The following BATF2 variants were observed in gnomAD, a reference collection of about 807,000 sequenced individuals.
BATF2 encodes the protein basic leucine zipper ATF-like transcription factor 2, also known as basic leucine zipper transcriptional factor ATF-like 2.
A neutral mutation model predicts 7.3 loss-of-function variants in BATF2; 4 were observed. The observed-to-expected ratio is 0.55, with a 90% CI of 0.27 to 1.26. BATF2 has a LOEUF of 1.26. BATF2 is among the 50% of genes most tolerant of loss of function. The pLI is 0.11. For missense variants in BATF2, 295 were observed against 340.5 expected (o/e 0.87, Z 1.05); for synonymous variants, 152 against 153.9 (o/e 0.99, Z 0.09).
chr11:64,994,606 C>T lies in BATF2; in HGVS notation c.40-57G>A. ...CCCAGCCAGGCCTTGTGCCCTCCGT[C>T]CTGGCCCGCCATTTGTAAAGCCAAG... On this transcript the variant is annotated intron_variant, in intron 1 of 2. Coordinates refer to ENST00000301887, the MANE Select transcript of BATF2 (RefSeq NM_138456.4). The T allele has an allele frequency of 8.8e-6, 13 of 1,483,626 alleles. No homozygotes were observed. In the South Asian group the frequency reaches 1.4e-4, roughly 16 times the overall value. The allele number at this position is 1,483,626 out of a possible 1,614,324, so 91.9% of individuals were successfully genotyped here. A position where few individuals can be genotyped will look rare whatever the true frequency, so the allele number is the denominator to read the frequency against.
chr11:64,991,001 A>T (rs903517054), intron 2 of BATF2, among the ~76,000 whole-genome samples: 1 of 151,916 alleles, frequency 6.6e-6, no homozygotes, highest in African/African-American at 2.4e-5. Context: ...CATGTTAGCC[A>T]GGATGGTCTC....
Position 64,989,601 on chromosome 11 carries a change from C to A in BATF2, c.353G>T (p.Arg118Leu). 1 of 1,604,684 alleles carries A rather than the reference C, an allele frequency of 6.2e-7. No homozygotes were observed. The highest frequency in any genetic ancestry group is 8.5e-7 in the Non-Finnish European group (1 of 1,176,036). Residue 118 changes from arginine (R) to leucine (L), a missense_variant, in exon 3 of 3, where the codon CGG becomes CTG. Coordinates refer to ENST00000301887, the MANE Select transcript of BATF2 (RefSeq NM_138456.4). The surrounding 1 kb of genome is among the most constrained non-coding windows in gnomAD (Gnocchi z 4.3). ...GGTCTGGAACAGCTCCAGCTGCTCC[C>A]GGCAGCCATGTTGTCCCTGTGGGCC... ...GPGPQGQHGC[R>L]EQLELFQTPG...
Position 64,989,194 on chromosome 11 carries a change from C to A in BATF2, c.760G>T (p.Val254Leu). The change falls in exon 3 of 3, where the codon GTG becomes TTG. Residue 254 changes from valine to leucine, a missense_variant. Physicochemically the swap from Val to Leu is conservative, Grantham distance 32. Transcript: ENST00000301887. This position sits in a 1 kb window ranked among gnomAD's most constrained non-coding sequence, Gnocchi z 4.3. ...AGGAGAGGGTGAGGGCTGGGATCCA[C>A]AACCAGCCCTTGCCAAGTGGCTGCT... is the stretch of plus-strand genomic sequence containing the variant. The part of the protein sequence containing the change: ...LSAATWQGLV[V>L]DPSPHPLLAF... 1 of 1,614,122 alleles carries A rather than the reference C, an allele frequency of 6.2e-7. No homozygotes were observed. Among genetic ancestry groups the A allele is most frequent in the Non-Finnish European group, 8.5e-7 (1 of 1,180,010 alleles).
At chr11:64,991,126 C>T (rs1027720747) in intron 2 of BATF2, among the ~76,000 whole-genome samples, 5 of 147,564 alleles carry the variant, frequency 3.4e-5, no homozygotes, top group Non-Finnish European at 6.0e-5. Context: ...CCCATTGCCA[C>T]GCTGGTTTCT....
At position 64,994,559 on chromosome 11, in the gene BATF2, A is replaced by G; in HGVS notation, c.40-10T>C. On this transcript the variant is annotated splice_polypyrimidine_tract_variant and intron_variant, in intron 1 of 2. Coordinates refer to ENST00000301887, the MANE Select transcript of BATF2 (RefSeq NM_138456.4). ...GTTGCTCCTTGGGGTCCTGTGGGGC[A>G]TGAGGCAGAGGACTCAGGGGGCCCA... 1 of 1,589,620 alleles carries G rather than the reference A, an allele frequency of 6.3e-7. No homozygotes were observed. The highest frequency in any genetic ancestry group is 8.6e-7 in the Non-Finnish European group (1 of 1,168,054).
intron 2 of BATF2, among the ~76,000 whole-genome samples, chr11:64,993,098 GC>G (rs1565167982): frequency 6.6e-6 from 1 of 152,108 alleles, no homozygotes; most frequent in African/African-American, 2.4e-5. Flanking sequence ...AGTGGTTCAC[GC>G]CTGTAATCCC....
intron 2 of BATF2, among the ~76,000 whole-genome samples, chr11:64,991,765 C>T (rs1946079456): frequency 6.6e-6 from 1 of 152,110 alleles, no homozygotes; most frequent in South Asian, 2.1e-4. Context: ...TCTACTGTGT[C>T]TACAGCTCTA....
In BATF2 at chr11:64,989,138, G is replaced by T. The variant is rs755066003; in HGVS notation, c.816C>A (p.Val272=). The T allele has an allele frequency of 3.1e-6, 5 of 1,614,090 alleles. No individual in the cohort carries two copies. Among genetic ancestry groups the T allele is most frequent in the African/African-American group, 2.7e-5 (2 of 74,946 alleles). The change falls in exon 3 of 3, where the codon GTC becomes GTA. Residue 272 remains valine, a synonymous_variant. Transcript: ENST00000301887. This position sits in a 1 kb window ranked among gnomAD's most constrained non-coding sequence, Gnocchi z 4.3. ...LAFPLLSSAQ[V]HF is the part of the protein sequence containing the mutation. ...AGCTCCGAAGACCAGGTTAGAAGTG[G>T]ACTTGAGCAGAGGAGAGCAGAGGAA...
intron 1 of BATF2, among the ~76,000 whole-genome samples, chr11:64,995,655 G>C (rs1380665345): frequency 6.6e-6 from 1 of 152,226 alleles, no homozygotes; most frequent in Non-Finnish European, 1.5e-5. Flanking sequence ...GTCAGAGCAA[G>C]AGGGACTGTT....
At position 64,989,854 on chromosome 11, in the gene BATF2, T is replaced by A. The variant is rs760551049; in HGVS notation, c.142-42A>T. On this transcript the variant is annotated intron_variant, in intron 2 of 2. Transcript: ENST00000301887. The surrounding 1 kb of genome is among the most constrained non-coding windows in gnomAD (Gnocchi z 4.3). Reference sequence around the variant, plus strand: ...GGGCGGGGAGGGGAACCTCAGCCAGTGTCAGGGGCCCCGCATGAGCCTTAG... The same window carrying A: ...GGGCGGGGAGGGGAACCTCAGCCAGAGTCAGGGGCCCCGCATGAGCCTTAG... 1 of 1,606,714 alleles carries A rather than the reference T, an allele frequency of 6.2e-7. No individual in the cohort carries two copies. The highest frequency in any genetic ancestry group is 8.5e-7 in the Non-Finnish European group (1 of 1,176,050).
At chr11:64,991,016 T>C (rs1052099795) in intron 2 of BATF2, among the ~76,000 whole-genome samples, 1 of 151,928 alleles carries the variant, frequency 6.6e-6, no homozygotes, top group African/African-American at 2.4e-5. Flanking sequence ...GGTCTCGATC[T>C]CCTGACCTCG....
At position 64,989,410 on chromosome 11, in the gene BATF2, C is replaced by T. The variant is rs537808630; in HGVS notation, c.544G>A (p.Gly182Ser). ...GAGGAAGACCCCTGCAGGCTGGAACCAGTGTGCGAGGCAAACAGGAGAGGG... is the reference window on the plus strand; with the variant it reads ...GAGGAAGACCCCTGCAGGCTGGAACTAGTGTGCGAGGCAAACAGGAGAGGG... ...PSPLLFASHTGSSLQGSSSKL... is the reference protein window; with the variant it reads ...PSPLLFASHTSSSLQGSSSKL... The change falls in exon 3 of 3, where the codon GGT becomes AGT. Residue 182 changes from glycine to serine, a missense_variant. Transcript: ENST00000301887. This position sits in a 1 kb window ranked among gnomAD's most constrained non-coding sequence, Gnocchi z 4.3. 7.5e-6 allele frequency: 12 copies of T among 1,594,240 alleles called. No individual in the cohort carries two copies. The East Asian group carries it at 2.5e-4, about 33-fold the overall frequency.
At chr11:64,995,931 A>G (rs1011793372) in intron 1 of BATF2, among the ~76,000 whole-genome samples, 8 of 152,170 alleles carry the variant, frequency 5.3e-5, no homozygotes, top group African/African-American at 1.7e-4. Flanking sequence ...ACCATGGCCC[A>G]GGGAATTTAT....
At position 64,994,325 on chromosome 11, in the gene BATF2, C is replaced by T. The variant is rs1445602150; in HGVS notation, c.141+123G>A. On this transcript the variant is annotated intron_variant, in intron 2 of 2. Coordinates refer to ENST00000301887, the MANE Select transcript of BATF2 (RefSeq NM_138456.4). ...CACAGGATCCTTTTCTCATCCCAAACTCAGGTGACCTAGAAAAATACAGGA... is the reference window on the plus strand; with the variant it reads ...CACAGGATCCTTTTCTCATCCCAAATTCAGGTGACCTAGAAAAATACAGGA... 5.2e-6 allele frequency: 5 copies of T among 952,778 alleles called. No individual in the cohort carries two copies. The Admixed American group carries it at 9.4e-5, about 18-fold the overall frequency. 59.0% of individuals were successfully genotyped at this position (952,778 alleles called of 1,614,324 possible). A position where few individuals can be genotyped will look rare whatever the true frequency, so the allele number is the denominator to read the frequency against.
In BATF2 at chr11:64,989,256, G is replaced by A. The variant is rs766887789; in HGVS notation, c.698C>T (p.Ala233Val). Reference protein sequence around the residue: ...PDNPSSALGLARLQSREHKPA... With the variant: ...PDNPSSALGLVRLQSREHKPA... ...TTTGTGCTCCCTGCTCTGCAGACGT[G>A]CAAGCCCCAGGGCAGAGGAAGGGTT... The change falls in exon 3 of 3, where the codon GCA (alanine) becomes GTA (valine). Residue 233 changes from alanine (A) to valine (V), a missense_variant. Transcript: ENST00000301887. The surrounding 1 kb of genome is among the most constrained non-coding windows in gnomAD (Gnocchi z 4.3). 1.2e-6 allele frequency: 2 copies of A among 1,611,940 alleles called. No homozygotes were observed. Among genetic ancestry groups the A allele is most frequent in the Non-Finnish European group, 1.7e-6 (2 of 1,178,780 alleles).
At position 64,992,589 on chromosome 11, in the gene BATF2, G is replaced by A. The variant is rs552925252; in HGVS notation, c.141+1859C>T. Reference sequence around the variant, plus strand: ...AAGAAGAGGGAAGGAGGCTGGGAGCGGTGGCTCAAGCCTGTAATCCCAGCA... The same window carrying A: ...AAGAAGAGGGAAGGAGGCTGGGAGCAGTGGCTCAAGCCTGTAATCCCAGCA... On this transcript the variant is annotated intron_variant, in intron 2 of 2. Coordinates refer to ENST00000301887, the MANE Select transcript of BATF2 (RefSeq NM_138456.4). Among the ~76,000 whole-genome samples, 41 of 152,106 alleles carry A rather than the reference G, an allele frequency of 2.7e-4. No homozygotes were observed. In the East Asian group the frequency reaches 3.9e-3, roughly 14 times the overall value.
At chr11:64,992,776 C>T (rs914068826) in intron 2 of BATF2, among the ~76,000 whole-genome samples, 5 of 151,408 alleles carry the variant, frequency 3.3e-5, no homozygotes, top group Non-Finnish European at 2.9e-5. Flanking sequence ...TGGAGAGGAT[C>T]GCTTGAGCCT....
At chr11:64,994,577 G>A (rs775558085) in intron 1 of BATF2, 28 bp from the exon 2 acceptor site, 2 of 1,570,856 alleles carry the variant, frequency 1.3e-6, no homozygotes, top group African/African-American at 1.3e-5. Flanking sequence ...GAGGACTCAG[G>A]GGGCCCAGCC....
rs1453687352 is a variant in BATF2 at position 64,989,296 on chromosome 11, C to G, written c.658G>C (p.Gly220Arg). 1 of 1,589,452 alleles carries G rather than the reference C, an allele frequency of 6.3e-7. No homozygotes were observed. The highest frequency in any genetic ancestry group is 1.1e-5 in the South Asian group (1 of 87,134). Residue 220 changes from glycine (G) to arginine (R), a missense_variant, in exon 3 of 3, where the codon GGG becomes CGG. By Grantham distance (125) the Gly-to-Arg change is moderately radical (BLOSUM62 -2). Coordinates refer to ENST00000301887, the MANE Select transcript of BATF2 (RefSeq NM_138456.4). This position sits in a 1 kb window ranked among gnomAD's most constrained non-coding sequence, Gnocchi z 4.3. ...GAGGAAGGGTTGTCGGGAGAGGACC[C>G]CAGCTTCCCTCTGGTGGGATGCTCC... Reference protein sequence around the residue: ...ELEHPTRGKLGSSPDNPSSAL... With the variant: ...ELEHPTRGKLRSSPDNPSSAL...
Sources: allele counts gnomAD v4.1 joint callset (sites outside exome capture counted in the v4.1 genomes callset), GRCh38; gene constraint gnomAD v4.1.1; non-coding constraint Gnocchi (gnomAD v3.1); transcripts MANE v1.5; gene names NCBI Gene and HGNC (gene_info 2026-07-23, HGNC 2026-07-21).